The following MGAT5B variants were observed in gnomAD, a reference collection of about 807,000 sequenced individuals.
The protein encoded by MGAT5B is N-acetylglucosaminyl-transferase Vb.
In MGAT5B, 54 loss-of-function variants were observed where a neutral mutation model predicts 95.1. The observed-to-expected ratio is 0.57, with a 90% confidence interval of 0.46 to 0.71. MGAT5B has a LOEUF of 0.71. Ranked by LOEUF, MGAT5B falls within the 30% of genes least tolerant of loss-of-function variation. The pLI, the probability that MGAT5B is intolerant of heterozygous loss-of-function variation, is 0.00. For synonymous variants in MGAT5B, 464 were observed against 451.0 expected, an observed-to-expected ratio of 1.03 and a Z score of -0.36; for missense variants, 935 against 1,088.6, an observed-to-expected ratio of 0.86 and a Z score of 1.99.
intron 2 of MGAT5B, among the ~76,000 whole-genome samples, chr17:76,874,026 C>A (rs1194071901): frequency 6.6e-6 from 1 of 152,170 alleles, no homozygotes; most frequent in Non-Finnish European, 1.5e-5. Context: ...TCATTAGATT[C>A]ATTCCTCTGG....
rs772934864 is a variant in MGAT5B at position 76,932,746 on chromosome 17, G to A, written c.1393G>A (p.Val465Met). ...CGGCAAGGCCAGCAACATGGCCGTG[G>A]TGTACGGCAAGGAGGCGAGCATCTG... ...KGGKASNMAV[V>M]YGKEASIWKL... is the part of the protein sequence containing the mutation. Residue 465 changes from valine (V) to methionine (M), a missense_variant, in exon 11 of 18, where the codon GTG becomes ATG. Coordinates refer to ENST00000569840, the MANE Select transcript of MGAT5B (RefSeq NM_001199172.2). The A allele has an allele frequency of 3.7e-6, 6 of 1,613,878 alleles. No homozygotes were observed. The highest frequency in any genetic ancestry group is 4.2e-6 in the Non-Finnish European group (5 of 1,179,924).
intron 2 of MGAT5B, among the ~76,000 whole-genome samples, chr17:76,876,956 G>A (rs564200822): frequency 2.0e-5 from 3 of 152,070 alleles, no homozygotes; most frequent in East Asian, 3.9e-4. Flanking sequence ...AGCCCTTCTC[G>A]CCTAGGCCTC....
chr17:76,893,833 G>T (rs559437112), intron 3 of MGAT5B, among the ~76,000 whole-genome samples: 1 of 152,262 alleles, frequency 6.6e-6, no homozygotes, highest in East Asian at 1.9e-4. Context: ...GGGGCGGGGG[G>T]TGCCAGCCTT....
chr17:76,937,340 G>C (rs1969708976), intron 12 of MGAT5B, among the ~76,000 whole-genome samples: 1 of 152,166 alleles, frequency 6.6e-6, no homozygotes, highest in South Asian at 2.1e-4. Context: ...AGGATGGATG[G>C]ATAGATGGAT....
chr17:76,888,132 G>A (rs1187781041), intron 3 of MGAT5B, among the ~76,000 whole-genome samples: 6 of 152,148 alleles, frequency 3.9e-5, no homozygotes, highest in Non-Finnish European at 8.8e-5. Context: ...ATGTGTGCAC[G>A]GGTGTATTTA....
In MGAT5B at chr17:76,938,352, T is replaced by TG. The variant is rs1451785295; in HGVS notation, c.1584+212dup. ...GAGAGGTCCTATAGAGAAAGGGACC[T>TG]GGGCAGGGCCAGCAGAGCAGCAGAG... is the stretch of plus-strand genomic sequence containing the variant. On this transcript the variant is annotated intron_variant, in intron 13 of 17. Coordinates refer to ENST00000569840, the MANE Select transcript of MGAT5B (RefSeq NM_001199172.2). This position sits in a 1 kb window ranked among gnomAD's most constrained non-coding sequence, Gnocchi z 4.3. Among the ~76,000 whole-genome samples, 1 of 152,216 alleles carries TG rather than the reference T, an allele frequency of 6.6e-6. No individual in the cohort carries two copies. The highest frequency in any genetic ancestry group is 1.5e-5 in the Non-Finnish European group (1 of 68,036).
chr17:76,880,509 C>T (rs1439956131), intron 2 of MGAT5B, among the ~76,000 whole-genome samples: 2 of 152,190 alleles, frequency 1.3e-5, no homozygotes, highest in Non-Finnish European at 2.9e-5. Context: ...CGCTGGCTGC[C>T]CCTGCTCCGC....
At chr17:76,944,827 G>A (rs983348255) in intron 15 of MGAT5B, among the ~76,000 whole-genome samples, 3 of 152,210 alleles carry the variant, frequency 2.0e-5, no homozygotes, top group Non-Finnish European at 2.9e-5. Context: ...AGGCAGGACC[G>A]AGCTTGGCGC....
At position 76,940,347 on chromosome 17, in the gene MGAT5B, T is replaced by TA; in HGVS notation, c.1585-54dup. 1 of 1,515,996 alleles carries TA rather than the reference T, an allele frequency of 6.6e-7. No homozygotes were observed. Among genetic ancestry groups the TA allele is most frequent in the Non-Finnish European group, 8.8e-7 (1 of 1,130,766 alleles). The allele number at this position is 1,515,996 out of a possible 1,614,324, so 93.9% of individuals were successfully genotyped here. A position where few individuals can be genotyped will look rare whatever the true frequency, so the allele number is the denominator to read the frequency against. The stretch of plus-strand genomic sequence containing the variant: ...ACCTTGTCCCCGGCATCCTGGTGCT[T>TA]ACTGGGCTGTGGCGGCCCAGCCCTC... On this transcript the variant is annotated intron_variant, in intron 13 of 17. Transcript: ENST00000569840. The surrounding 1 kb of genome is among the most constrained non-coding windows in gnomAD (Gnocchi z 4.3).
intron 15 of MGAT5B, among the ~76,000 whole-genome samples, chr17:76,943,324 A>G (rs1969924273): frequency 6.6e-6 from 1 of 152,150 alleles, no homozygotes; most frequent in Non-Finnish European, 1.5e-5. Context: ...CTGGGCCCCA[A>G]ACCAACGGAG....
At chr17:76,881,591 G>C (rs1967419288) in intron 2 of MGAT5B, among the ~76,000 whole-genome samples, 1 of 152,216 alleles carries the variant, frequency 6.6e-6, no homozygotes, top group South Asian at 2.1e-4. Flanking sequence ...CAGATTCCCG[G>C]GCCCCGGGTC....
At chr17:76,887,847 G>A (rs938649614) in intron 3 of MGAT5B, among the ~76,000 whole-genome samples, 1 of 151,858 alleles carries the variant, frequency 6.6e-6, no homozygotes, top group Non-Finnish European at 1.5e-5. Context: ...GTTAGCCACC[G>A]TGTCTGGCCC....
At chr17:76,875,695 T>C (rs1171208224) in intron 2 of MGAT5B, among the ~76,000 whole-genome samples, 4 of 136,998 alleles carry the variant, frequency 2.9e-5, no homozygotes, top group Non-Finnish European at 6.1e-5. Flanking sequence ...TAGCCTTCCA[T>C]TGTGTGAGTA....
At chr17:76,947,001 G>A (rs1970051647) in intron 16 of MGAT5B, among the ~76,000 whole-genome samples, 2 of 152,216 alleles carry the variant, frequency 1.3e-5, no homozygotes, top group Non-Finnish European at 2.9e-5. Context: ...GGAAGTCGTG[G>A]GTGAGGAGGA....
At chr17:76,871,330 G>A (rs772137623) in intron 1 of MGAT5B, among the ~76,000 whole-genome samples, 53 of 152,288 alleles carry the variant, frequency 3.5e-4, no homozygotes, top group South Asian at 6.2e-4. Context: ...GTGGAATTCC[G>A]TGAGGCGTCC....
chr17:76,932,502 A>T, intron 10 of MGAT5B, 143 bp from the exon 11 acceptor site: 1 of 1,202,566 alleles, frequency 8.3e-7, no homozygotes, highest in Non-Finnish European at 1.1e-6. Context: ...GGCACTGATT[A>T]CACCCTCCCC....
At position 76,889,219 on chromosome 17, in the gene MGAT5B, C is replaced by T. The variant is rs547944573; in HGVS notation, c.329+6921C>T. Among the ~76,000 whole-genome samples the T allele has an allele frequency of 6.6e-6, 1 of 152,094 alleles. No homozygotes were observed. The highest frequency in any genetic ancestry group is 2.4e-5 in the African/African-American group (1 of 41,382). On this transcript the variant is annotated intron_variant, in intron 3 of 17. Coordinates refer to ENST00000569840, the MANE Select transcript of MGAT5B (RefSeq NM_001199172.2). This position sits in a 1 kb window ranked among gnomAD's most constrained non-coding sequence, Gnocchi z 4.4. ...TCAGCCCTGGGAGCTCGCCGTGTGA[C>T]CTTGGGAAAGCCACTATATCTGCCA...
intron 5 of MGAT5B, 110 bp downstream of exon 5, chr17:76,903,486 T>G: frequency 1.3e-6 from 1 of 747,110 alleles, no homozygotes; most frequent in Non-Finnish European, 2.1e-6. Context: ...GGGAAACAGC[T>G]TCTCTGCTCA....
At chr17:76,892,300 G>A (rs939102843) in intron 3 of MGAT5B, among the ~76,000 whole-genome samples, 7 of 152,330 alleles carry the variant, frequency 4.6e-5, no homozygotes, top group East Asian at 1.9e-4. Context: ...CGCCCGCCCC[G>A]GCCTCCCAAA....
Sources: gnomAD v4.1 joint callset for allele counts (sites outside exome capture counted in the v4.1 genomes callset) on GRCh38, gnomAD v4.1.1 for gene constraint, Gnocchi (gnomAD v3.1) non-coding constraint, MANE v1.5 for transcripts, NCBI Gene and HGNC (gene_info 2026-07-23, HGNC 2026-07-21) for gene names.